Variants in COL24A1 observed in about 807,000 individuals in gnomAD.
COL24A1 encodes the protein collagen type XXIV alpha 1 chain.
In COL24A1, 224 loss-of-function variants were observed where a neutral mutation model predicts 253.9. The ratio of observed to expected loss-of-function variants is 0.88; its 90% CI spans 0.79 to 0.99. The LOEUF is 0.99. COL24A1 is among the 50% of genes least tolerant of loss of function. COL24A1 has a pLI of 0.00. For synonymous variants in COL24A1, 685 were observed against 673.7 expected (o/e 1.02, Z -0.26); for missense variants, 2,131 against 2,068.5 (o/e 1.03, Z -0.59).
At chr1:85,856,622 T>A (rs76944193) in intron 37 of COL24A1, among the ~76,000 whole-genome samples, 3 of 152,194 alleles carry the variant, frequency 2.0e-5, no homozygotes, top group African/African-American at 7.2e-5. Context: ...TGTTAAACTT[T>A]ACGCGTCCAA....
chr1:85,902,013 AG>A (rs1172195480), intron 28 of COL24A1, among the ~76,000 whole-genome samples: 1 of 152,158 alleles, frequency 6.6e-6, no homozygotes, highest in Non-Finnish European at 1.5e-5. Context: ...GGATAAATAA[AG>A]TGTGGTATAT....
chr1:85,966,883 G>GA (rs1232738396), intron 22 of COL24A1, among the ~76,000 whole-genome samples: 5 of 152,002 alleles, frequency 3.3e-5, no homozygotes, highest in South Asian at 4.1e-4. Context: ...AAAAGGGAAA[G>GA]AAAAAATAGG....
chr1:86,063,300 T>G (rs1230817336), intron 8 of COL24A1, among the ~76,000 whole-genome samples: 1 of 152,020 alleles, frequency 6.6e-6, no homozygotes, highest in Non-Finnish European at 1.5e-5. Flanking sequence ...AGCTATGGAT[T>G]AGGCTTTAGT....
intron 14 of COL24A1, among the ~76,000 whole-genome samples, chr1:86,031,013 T>C (rs1384443059): frequency 1.3e-5 from 2 of 152,162 alleles, no homozygotes; most frequent in African/African-American, 4.8e-5. Flanking sequence ...CCCATGTTTA[T>C]TGCAGCACTA....
intron 22 of COL24A1, among the ~76,000 whole-genome samples, chr1:85,967,590 T>C (rs1002467781): frequency 6.6e-6 from 1 of 152,142 alleles, no homozygotes; most frequent in Non-Finnish European, 1.5e-5. Flanking sequence ...GGTATGACTG[T>C]AGCAGTGAGT....
intron 45 of COL24A1, among the ~76,000 whole-genome samples, chr1:85,819,848 C>CT (rs550894402): frequency 0.015 from 2,040 of 135,866 alleles, 50 homozygotes; most frequent in Admixed American, 0.061. Context: ...TTCTCTTTTC[C>CT]TTTTTTTTTT....
At chr1:85,893,218 T>C (rs1683307656) in intron 31 of COL24A1, among the ~76,000 whole-genome samples, 1 of 151,986 alleles carries the variant, frequency 6.6e-6, no homozygotes, top group African/African-American at 2.4e-5. Context: ...AGTATTAATA[T>C]CAGATAACAT....
intron 37 of COL24A1, among the ~76,000 whole-genome samples, chr1:85,853,582 C>T (rs760933183): frequency 6.6e-6 from 1 of 152,192 alleles, no homozygotes; most frequent in Non-Finnish European, 1.5e-5. Context: ...ATTTACATTC[C>T]CACTAGCAGT....
chr1:85,944,305 A>G (rs1056989103), intron 24 of COL24A1, among the ~76,000 whole-genome samples: 1 of 152,206 alleles, frequency 6.6e-6, no homozygotes, highest in Non-Finnish European at 1.5e-5. Flanking sequence ...TCATCTGCTT[A>G]TAACTGATAT....
chr1:86,058,052 A>G (rs1700789242), intron 9 of COL24A1, 77 bp from the exon 10 acceptor site: 1 of 1,148,426 alleles, frequency 8.7e-7, no homozygotes. Flanking sequence ...TAAAAAGGCC[A>G]TATAAAGAGC....
At chr1:85,809,462 A>T (rs1672310103) in intron 47 of COL24A1, among the ~76,000 whole-genome samples, 2 of 152,198 alleles carry the variant, frequency 1.3e-5, no homozygotes, top group African/African-American at 4.8e-5. Context: ...GTCAGAAGTA[A>T]GATGGAGTCA....
chr1:85,783,633 A>T, intron 50 of COL24A1, 75 bp from the exon 51 acceptor site: 1 of 1,309,584 alleles, frequency 7.6e-7, no homozygotes. Context: ...ATATAAATCT[A>T]TCAAGAATTG....
intron 8 of COL24A1, among the ~76,000 whole-genome samples, chr1:86,062,968 CTG>C (rs1435058652): frequency 1.3e-5 from 2 of 152,046 alleles, no homozygotes; most frequent in African/African-American, 2.4e-5. Context: ...TCCTGAGTCT[CTG>C]TGCTGATTCT....
chr1:85,870,343 A>G (rs910949590), intron 35 of COL24A1, among the ~76,000 whole-genome samples: 5 of 152,210 alleles, frequency 3.3e-5, no homozygotes, highest in Admixed American at 1.3e-4. Flanking sequence ...TGCACCAAGC[A>G]GACCTAATAG....
chr1:85,917,858 C>T (rs879455103), intron 24 of COL24A1, among the ~76,000 whole-genome samples: 3 of 152,004 alleles, frequency 2.0e-5, no homozygotes, highest in Non-Finnish European at 4.4e-5. Flanking sequence ...GCATGCACCA[C>T]GACGCCCAGC....
rs181241631 is a variant in COL24A1 at position 85,804,052 on chromosome 1, G to C, written c.3951+12736C>G. ...TGAAATAATAATAGAAAAAATTCAG[G>C]AGATTCTGCAAAGAATATTGAAAGT... On this transcript the variant is annotated intron_variant, in intron 47 of 59. Coordinates refer to ENST00000370571, the MANE Select transcript of COL24A1 (RefSeq NM_152890.7). Among the ~76,000 whole-genome samples, 132 of 152,200 alleles carry C rather than the reference G, an allele frequency of 8.7e-4. 1 individual carries two copies. The highest frequency in any genetic ancestry group is 1.9e-4 in the East Asian group (1 of 5,182).
chr1:85,945,003 T>A (rs1040636259), intron 24 of COL24A1, among the ~76,000 whole-genome samples: 2 of 28,174 alleles, frequency 7.1e-5, no homozygotes, highest in South Asian at 1.8e-3. Context: ...TATCATTGTG[T>A]TTTTTTTTTT....
chr1:86,022,110 T>C, intron 18 of COL24A1, 130 bp downstream of exon 18: 1 of 801,586 alleles, frequency 1.2e-6, no homozygotes, highest in Non-Finnish European at 2.1e-6. Context: ...CTGAGGGATT[T>C]GCTATATTCT....
intron 55 of COL24A1, among the ~76,000 whole-genome samples, chr1:85,747,101 CTTTTTT>C (rs34758363): frequency 1.8e-5 from 2 of 111,278 alleles, no homozygotes; most frequent in East Asian, 2.7e-4. Flanking sequence ...TGAATTATAA[CTTTTTT>C]TTTTTTTTTT....
Sources: gnomAD v4.1 joint callset for allele counts (sites outside exome capture counted in the v4.1 genomes callset) on GRCh38, gnomAD v4.1.1 for gene constraint, MANE v1.5 for transcripts, NCBI Gene and HGNC (gene_info 2026-07-23, HGNC 2026-07-21) for gene names.